The following TMEM108 variants were observed in gnomAD, a reference collection of about 807,000 sequenced individuals.
TMEM108 encodes cancer/testis antigen 124.
In TMEM108, 12 loss-of-function variants were observed where a neutral mutation model predicts 35.1. That is an observed-to-expected ratio of 0.34 (90% CI 0.22 to 0.55). The LOEUF (loss-of-function observed/expected upper bound fraction) is 0.55, where lower values mean the gene tolerates loss of function less well. TMEM108 is among the 20% of genes least tolerant of loss of function. TMEM108 has a pLI of 0.89. For synonymous variants in TMEM108, 287 were observed against 308.6 expected (o/e 0.93, Z 0.73); for missense variants, 680 against 753.3 (o/e 0.90, Z 1.14).
chr3:133,349,536 C>T (rs1457123782), intron 3 of TMEM108, among the ~76,000 whole-genome samples: 1 of 151,564 alleles, frequency 6.6e-6, no homozygotes, highest in African/African-American at 2.4e-5. Flanking sequence ...AAAATATTTG[C>T]AAATTATACA....
At chr3:133,200,946 C>A (rs1945654036) in intron 2 of TMEM108, among the ~76,000 whole-genome samples, 1 of 152,160 alleles carries the variant, frequency 6.6e-6, no homozygotes, top group Admixed American at 6.5e-5. Flanking sequence ...ATTTATAGAA[C>A]ATTTCTATCA....
At chr3:133,319,823 G>A (rs1033977290) in intron 3 of TMEM108, among the ~76,000 whole-genome samples, 1 of 152,138 alleles carries the variant, frequency 6.6e-6, no homozygotes. Context: ...CTAGGGGAAG[G>A]GGACCCTTCA....
In TMEM108 at chr3:133,227,159, TTA is replaced by T. The variant is rs147110835; in HGVS notation, c.-46-2102_-46-2101del. Among the ~76,000 whole-genome samples, 95 of 151,704 alleles carry T rather than the reference TTA, an allele frequency of 6.3e-4. No individual in the cohort carries two copies. In the East Asian group the frequency reaches 0.018, roughly 28 times the overall value. ...TCAGGAAGAAAATATGCGCAAGTAT[TTA>T]TATAATCTTGGACTAAGGAAGGCCT... On this transcript the variant is annotated intron_variant, in intron 2 of 5. Coordinates refer to ENST00000321871, the MANE Select transcript of TMEM108 (RefSeq NM_023943.4).
At chr3:133,229,977 T>C (rs1378699272) in intron 3 of TMEM108, among the ~76,000 whole-genome samples, 1 of 152,238 alleles carries the variant, frequency 6.6e-6, no homozygotes, top group African/African-American at 2.4e-5. Context: ...CATGTAGTGA[T>C]TGTACTTTCT....
chr3:133,248,112 C>T (rs1050371451), intron 3 of TMEM108: 2 of 152,148 alleles, frequency 1.3e-5, no homozygotes, highest in African/African-American at 4.8e-5. Flanking sequence ...TCTGACTCCT[C>T]TATGTATGTT....
At chr3:133,041,357 G>T (rs552413603) in intron 1 of TMEM108, among the ~76,000 whole-genome samples, 1 of 151,972 alleles carries the variant, frequency 6.6e-6, no homozygotes, top group Non-Finnish European at 1.5e-5. Context: ...TCCTTCACTT[G>T]GCTCATGTCA....
intron 2 of TMEM108, among the ~76,000 whole-genome samples, chr3:133,154,316 G>A (rs1038451253): frequency 1.3e-5 from 2 of 151,828 alleles, no homozygotes; most frequent in African/African-American, 4.8e-5. Context: ...TGTCAATTTT[G>A]GCTTTTGTTG....
chr3:133,327,097 C>T (rs1409535754), intron 3 of TMEM108, among the ~76,000 whole-genome samples: 1 of 152,032 alleles, frequency 6.6e-6, no homozygotes, highest in Non-Finnish European at 1.5e-5. Flanking sequence ...CTGTTTGCCA[C>T]AAGAAGGGTG....
At chr3:133,197,398 T>C (rs1175509989) in intron 2 of TMEM108, among the ~76,000 whole-genome samples, 1 of 152,086 alleles carries the variant, frequency 6.6e-6, no homozygotes, top group Non-Finnish European at 1.5e-5. Context: ...GAAAAAGGAA[T>C]GGCCAACATA....
chr3:133,275,066 A>G (rs1946820444), intron 3 of TMEM108, among the ~76,000 whole-genome samples: 1 of 152,238 alleles, frequency 6.6e-6, no homozygotes, highest in South Asian at 2.1e-4. Context: ...AACACCAAGT[A>G]TAGAGGACTT....
At chr3:133,194,840 A>T (rs930004379) in intron 2 of TMEM108, among the ~76,000 whole-genome samples, 1 of 152,186 alleles carries the variant, frequency 6.6e-6, no homozygotes, top group Non-Finnish European at 1.5e-5. Context: ...AAATACAGAG[A>T]TCTGTTCAGA....
chr3:133,279,639 C>T (rs1946885311), intron 3 of TMEM108, among the ~76,000 whole-genome samples: 1 of 152,240 alleles, frequency 6.6e-6, no homozygotes, highest in African/African-American at 2.4e-5. Context: ...ATGTACCACA[C>T]TCAGTGCCTG....
intron 3 of TMEM108, among the ~76,000 whole-genome samples, chr3:133,267,936 C>T (rs1366566644): frequency 1.3e-5 from 2 of 152,206 alleles, no homozygotes; most frequent in African/African-American, 4.8e-5. Context: ...CTAGAGGTTA[C>T]ACAGATCAGC....
chr3:133,104,457 CT>C (rs1011407644), intron 2 of TMEM108, among the ~76,000 whole-genome samples: 2 of 152,078 alleles, frequency 1.3e-5, no homozygotes, highest in Non-Finnish European at 2.9e-5. Flanking sequence ...GACTTTCAGG[CT>C]TTTTTTCTTA....
chr3:133,054,918 G>A (rs994933145), intron 2 of TMEM108, among the ~76,000 whole-genome samples: 1 of 152,230 alleles, frequency 6.6e-6, no homozygotes, highest in African/African-American at 2.4e-5. Flanking sequence ...TGCAGCTTTT[G>A]TTGAAAGAGA....
intron 2 of TMEM108, among the ~76,000 whole-genome samples, chr3:133,173,425 A>C (rs965377413): frequency 6.6e-6 from 1 of 152,228 alleles, no homozygotes; most frequent in African/African-American, 2.4e-5. Context: ...CTGAATTAAC[A>C]CTATCTGTTC....
intron 2 of TMEM108, among the ~76,000 whole-genome samples, chr3:133,226,871 A>T (rs910148167): frequency 6.6e-6 from 1 of 152,182 alleles, no homozygotes; most frequent in Admixed American, 6.5e-5. Flanking sequence ...ACAGTTCCAC[A>T]TGGCTGGGGA....
intron 2 of TMEM108, among the ~76,000 whole-genome samples, chr3:133,178,278 G>A (rs1348995698): frequency 3.3e-5 from 5 of 152,120 alleles, no homozygotes; most frequent in African/African-American, 7.2e-5. Context: ...CCATCAAGCT[G>A]CCAATGACTG....
intron 3 of TMEM108, among the ~76,000 whole-genome samples, chr3:133,287,778 T>C (rs976862489): frequency 6.6e-6 from 1 of 152,204 alleles, no homozygotes; most frequent in East Asian, 1.9e-4. Context: ...CTCTTTTAGA[T>C]TGGTTACCAA....
Sources: gnomAD v4.1 joint callset for allele counts (sites outside exome capture counted in the v4.1 genomes callset) on GRCh38, gnomAD v4.1.1 for gene constraint, MANE v1.5 for transcripts, NCBI Gene and HGNC (gene_info 2026-07-23, HGNC 2026-07-21) for gene names.